TTLL7: variants seen among roughly 807,000 people sequenced by gnomAD.
TTLL7 encodes the protein tubulin polyglutamylase TTLL7.
A neutral mutation model predicts 120.2 loss-of-function variants in TTLL7; 53 were observed. The observed-to-expected ratio is 0.44, with a 90% CI of 0.35 to 0.55. The LOEUF (loss-of-function observed/expected upper bound fraction) is 0.55. Ranked by LOEUF, TTLL7 falls within the 20% of genes least tolerant of loss-of-function variation. The pLI, the probability that TTLL7 is intolerant of heterozygous loss-of-function variation, is 0.00. For missense variants in TTLL7, 803 were observed against 1,054.7 expected, an observed-to-expected ratio of 0.76 and a Z score of 3.31; for synonymous variants, 353 against 351.7, an observed-to-expected ratio of 1.00 and a Z score of -0.04.
chr1:83,923,197 C>T (rs1292759509), intron 10 of TTLL7, among the ~76,000 whole-genome samples: 2 of 139,580 alleles, frequency 1.4e-5, no homozygotes, highest in East Asian at 2.0e-4. Context: ...CTATCATATA[C>T]CAATGAATAT....
chr1:83,906,259 A>T lies in TTLL7; in HGVS notation c.2127+70T>A. Reference sequence around the variant, plus strand: ...ACTGAGCATAATGCCTTCAGGAAATAAATTTTAATATTTTAAGAAGAATAA... The same window carrying T: ...ACTGAGCATAATGCCTTCAGGAAATTAATTTTAATATTTTAAGAAGAATAA... On this transcript the variant is annotated intron_variant, in intron 17 of 20. Coordinates refer to ENST00000260505, the MANE Select transcript of TTLL7 (RefSeq NM_024686.6). 3.0e-6 allele frequency: 4 copies of T among 1,346,472 alleles called. No homozygotes were observed. In the South Asian group the frequency reaches 5.2e-5, roughly 17 times the overall value. 83.4% of individuals were successfully genotyped at this position (1,346,472 alleles called of 1,614,324 possible).
At position 83,870,049 on chromosome 1, in the gene TTLL7, CAAG is replaced by C. The variant is rs1319366043; in HGVS notation, c.2574_2576del (p.Phe858del). On this transcript the variant is annotated inframe_deletion, in exon 21 of 21. Transcript: ENST00000260505. ...ACTTCAAGTTGTAGGTTGGTGTTCT[CAAG>C]AAGAATTGGGTGCTCCCTGGTAGTA... 8 of 1,579,172 alleles carry C rather than the reference CAAG, an allele frequency of 5.1e-6. No homozygotes were observed. The highest frequency in any genetic ancestry group is 6.0e-6 in the Non-Finnish European group (7 of 1,167,802).
chr1:83,959,287 G>C (rs991691205), intron 1 of TTLL7, among the ~76,000 whole-genome samples: 4 of 152,198 alleles, frequency 2.6e-5, no homozygotes, highest in East Asian at 1.9e-4. Flanking sequence ...CACTGCACTA[G>C]AAGGCCAACA....
At chr1:83,953,090 G>A (rs1571295016) in intron 1 of TTLL7, among the ~76,000 whole-genome samples, 1 of 152,146 alleles carries the variant, frequency 6.6e-6, no homozygotes, top group Non-Finnish European at 1.5e-5. Context: ...CAGAAAATGG[G>A]TGGGGTCATT....
chr1:83,875,490 A>G (rs1444845546), intron 20 of TTLL7, among the ~76,000 whole-genome samples: 1 of 151,916 alleles, frequency 6.6e-6, no homozygotes, highest in East Asian at 1.9e-4. Context: ...ATGCTACTGT[A>G]ATCATTCTAA....
chr1:83,887,386 A>T, intron 19 of TTLL7: 1 of 301,592 alleles, frequency 3.3e-6, no homozygotes, highest in Non-Finnish European at 6.2e-6. Flanking sequence ...AGGTTAAAGG[A>T]GTATACATTG....
rs149930619 is a variant in TTLL7, at chr1:83,970,771, A to G, written c.-176-18384T>C. On this transcript the variant is annotated intron_variant, in intron 1 of 20. Coordinates refer to ENST00000260505, the MANE Select transcript of TTLL7 (RefSeq NM_024686.6). ...GTTTATTTTGGGAAGTGCTAGAAATACTGGCAGGGGAGCAGGGAAGCAAGA... is the reference window on the plus strand; with the variant it reads ...GTTTATTTTGGGAAGTGCTAGAAATGCTGGCAGGGGAGCAGGGAAGCAAGA... Among the ~76,000 whole-genome samples, 3 of 152,242 alleles carry G rather than the reference A, an allele frequency of 2.0e-5. No homozygotes were observed. In the East Asian group the frequency reaches 5.8e-4, roughly 30 times the overall value.
At position 83,921,096 on chromosome 1, in the gene TTLL7, C is replaced by T; in HGVS notation, c.1355G>A (p.Gly452Glu). ...SREEHENRHM[G>E]NYRRIYPPED... ...ATAGCAGCACAGTTACCTATAATTC[C>T]CCATATGTCGATTTTCATGTTCTTC... is the stretch of plus-strand genomic sequence containing the variant. Residue 452 changes from glycine to glutamate, a missense_variant, in exon 12 of 21, where the codon GGG becomes GAG. Physicochemically the swap from Gly to Glu is moderately conservative, Grantham distance 98. Around this residue, in one of 3 missense-constraint regions of TTLL7, gnomAD observed 324 missense variants for 507.7 expected, o/e 0.64. Coordinates refer to ENST00000260505, the MANE Select transcript of TTLL7 (RefSeq NM_024686.6). The T allele has an allele frequency of 6.2e-7, 1 of 1,612,536 alleles. No homozygotes were observed.
chr1:83,949,670 G>A (rs1248376969), intron 4 of TTLL7, 195 bp downstream of exon 4: 2 of 562,908 alleles, frequency 3.6e-6, no homozygotes, highest in Non-Finnish European at 6.0e-6. Context: ...ATAGAAAGAG[G>A]TTAAAACTTA....
At position 83,947,115 on chromosome 1, in the gene TTLL7, C is replaced by A. The variant is rs767502327; in HGVS notation, c.506+9G>T. The A allele has an allele frequency of 4.2e-5, 66 of 1,560,704 alleles. No homozygotes were observed. Among genetic ancestry groups the A allele is most frequent in the South Asian group, 3.7e-4 (30 of 80,866 alleles). On this transcript the variant is annotated intron_variant, in intron 6 of 20. Coordinates refer to ENST00000260505, the MANE Select transcript of TTLL7 (RefSeq NM_024686.6). ...TATTTTTATATATTCCAAATAAAAG[C>A]AAACCTACCCATGACCCATTGCACC...
At chr1:83,944,752 T>C (rs913559208) in intron 6 of TTLL7, among the ~76,000 whole-genome samples, 1 of 152,158 alleles carries the variant, frequency 6.6e-6, no homozygotes, top group African/African-American at 2.4e-5. Flanking sequence ...TAGTTTCAGT[T>C]TTTAACTCCT....
chr1:83,928,741 T>C (rs1249756026), intron 10 of TTLL7, among the ~76,000 whole-genome samples: 2 of 152,140 alleles, frequency 1.3e-5, no homozygotes, highest in Admixed American at 6.6e-5. Context: ...TTTCTTCTTA[T>C]AAGATGAGGA....
At chr1:83,948,730 G>A in intron 4 of TTLL7, 35 bp from the exon 5 acceptor site, 1 of 1,460,834 alleles carries the variant, frequency 6.8e-7, no homozygotes, top group Non-Finnish European at 9.6e-7. Context: ...AATATTCTCA[G>A]CGAATTAATT....
chr1:83,974,982 T>C (rs980050350), intron 1 of TTLL7, among the ~76,000 whole-genome samples: 3 of 152,084 alleles, frequency 2.0e-5, no homozygotes, highest in Non-Finnish European at 4.4e-5. Flanking sequence ...GTGCTCTCTC[T>C]TTTTATCTCA....
intron 14 of TTLL7, chr1:83,913,121 T>G (rs1657817924): frequency 6.6e-6 from 1 of 152,152 alleles, no homozygotes; most frequent in East Asian, 1.9e-4. Flanking sequence ...CAACACACTG[T>G]TCAAGCAATA....
At chr1:83,896,610 T>C (rs1656246110) in intron 18 of TTLL7, among the ~76,000 whole-genome samples, 1 of 152,070 alleles carries the variant, frequency 6.6e-6, no homozygotes, top group Admixed American at 6.6e-5. Flanking sequence ...AGCATCTATG[T>C]CAGCCTGAAT....
At chr1:83,976,968 T>C (rs1191504980) in intron 1 of TTLL7, among the ~76,000 whole-genome samples, 3 of 152,064 alleles carry the variant, frequency 2.0e-5, no homozygotes, top group African/African-American at 7.2e-5. Context: ...ATTACCTATG[T>C]TCGTCTATAT....
intron 19 of TTLL7, among the ~76,000 whole-genome samples, chr1:83,888,687 T>C (rs552752256): frequency 3.4e-4 from 52 of 151,802 alleles, no homozygotes; most frequent in Non-Finnish European, 6.2e-4. Context: ...AAACGACAAA[T>C]TTTTAAGAGA....
intron 1 of TTLL7, among the ~76,000 whole-genome samples, chr1:83,952,713 T>C (rs1475484496): frequency 1.3e-5 from 2 of 152,230 alleles, no homozygotes; most frequent in African/African-American, 4.8e-5. Flanking sequence ...ATTTATATTA[T>C]ACCATTTAAT....
Sources: allele counts gnomAD v4.1 joint callset (sites outside exome capture counted in the v4.1 genomes callset), GRCh38; gene constraint gnomAD v4.1.1; regional missense constraint gnomAD v4.1.1; transcripts MANE v1.5; gene names NCBI Gene and HGNC (gene_info 2026-07-23, HGNC 2026-07-21).